The following INPP4B variants were observed in gnomAD, a reference collection of about 807,000 sequenced individuals.
INPP4B encodes inositol polyphosphate 4-phosphatase type II.
Under a neutral mutation model 122.5 loss-of-function variants are expected in INPP4B, and 55 were observed. The observed-to-expected ratio is 0.45, with a 90% confidence interval of 0.36 to 0.56. The LOEUF is 0.56. INPP4B is among the 20% of genes least tolerant of loss of function. The pLI is 0.00. For synonymous variants in INPP4B, 403 were observed against 388.7 expected (o/e 1.04, Z -0.43); for missense variants, 1,000 against 1,097.7 (o/e 0.91, Z 1.26).
chr4:142,444,922 C>G (rs923616409), intron 3 of INPP4B, among the ~76,000 whole-genome samples: 1 of 152,052 alleles, frequency 6.6e-6, no homozygotes, highest in Non-Finnish European at 1.5e-5. Context: ...CCACGAAAAA[C>G]CAAACACCAC....
chr4:142,225,114 C>A (rs766280875), intron 12 of INPP4B, among the ~76,000 whole-genome samples: 1 of 152,064 alleles, frequency 6.6e-6, no homozygotes, highest in Non-Finnish European at 1.5e-5. Flanking sequence ...ACCATCCAAT[C>A]GGCTGCCAAA....
At chr4:142,211,482 G>A (rs1329833426) in intron 12 of INPP4B, among the ~76,000 whole-genome samples, 3 of 152,108 alleles carry the variant, frequency 2.0e-5, no homozygotes, top group Non-Finnish European at 4.4e-5. Context: ...TAGGAGCACA[G>A]CCTGAGATCA....
intron 1 of INPP4B, among the ~76,000 whole-genome samples, chr4:142,823,316 T>C (rs1484884658): frequency 6.6e-6 from 1 of 152,214 alleles, no homozygotes; most frequent in Non-Finnish European, 1.5e-5. Context: ...TCACAGCATT[T>C]ATTCCTCTTC....
intron 7 of INPP4B, among the ~76,000 whole-genome samples, chr4:142,351,383 A>G (rs1781884910): frequency 6.6e-6 from 1 of 151,982 alleles, no homozygotes; most frequent in South Asian, 2.1e-4. Flanking sequence ...ATTAACAACA[A>G]TCTTATATCT....
intron 25 of INPP4B, among the ~76,000 whole-genome samples, chr4:142,070,659 G>C (rs1766678288): frequency 6.6e-6 from 1 of 152,170 alleles, no homozygotes; most frequent in South Asian, 2.1e-4. Context: ...CAAAATCAAT[G>C]TGCAAAAATC....
intron 2 of INPP4B, among the ~76,000 whole-genome samples, chr4:142,693,362 A>C (rs2150731353): frequency 6.6e-6 from 1 of 152,124 alleles, no homozygotes; most frequent in Non-Finnish European, 1.5e-5. Flanking sequence ...CTGCTTTCTT[A>C]GGCTGAGTTC....
At chr4:142,225,724 A>C (rs755022440) in intron 12 of INPP4B, among the ~76,000 whole-genome samples, 1 of 152,070 alleles carries the variant, frequency 6.6e-6, no homozygotes, top group African/African-American at 2.4e-5. Context: ...GCAGGAGAAA[A>C]AGAGAAAAAA....
chr4:142,625,929 T>C (rs1259723715), intron 2 of INPP4B, among the ~76,000 whole-genome samples: 1 of 152,130 alleles, frequency 6.6e-6, no homozygotes, highest in Non-Finnish European at 1.5e-5. Flanking sequence ...TGGCTAGCCA[T>C]ATGTAGAAAG....
chr4:142,354,903 G>A (rs2148437585), intron 7 of INPP4B, among the ~76,000 whole-genome samples: 1 of 152,054 alleles, frequency 6.6e-6, no homozygotes, highest in African/African-American at 2.4e-5. Context: ...ACTTCTCACA[G>A]TTCTGTGAGT....
chr4:142,148,206 C>T (rs896943871), intron 17 of INPP4B, among the ~76,000 whole-genome samples: 3 of 152,084 alleles, frequency 2.0e-5, no homozygotes, highest in African/African-American at 7.2e-5. Context: ...AACTCTCTTG[C>T]TGTTGCCCAT....
intron 2 of INPP4B, among the ~76,000 whole-genome samples, chr4:142,653,022 A>T: frequency 6.6e-6 from 1 of 152,214 alleles, no homozygotes; most frequent in Admixed American, 6.5e-5. Flanking sequence ...GTACCAAAAC[A>T]GATTTATAGA....
chr4:142,645,419 T>C (rs1751532923), intron 2 of INPP4B, among the ~76,000 whole-genome samples: 1 of 152,200 alleles, frequency 6.6e-6, no homozygotes, highest in South Asian at 2.1e-4. Context: ...TCTTTTAGTA[T>C]AAAACCCCTA....
At chr4:142,112,722 T>A (rs1320070591) in intron 21 of INPP4B, 40 bp from the exon 22 acceptor site, 1 of 1,574,886 alleles carries the variant, frequency 6.3e-7, no homozygotes, top group Non-Finnish European at 8.6e-7. Context: ...ACATTACTTA[T>A]TTGTTTTGTG....
At chr4:142,793,932 C>G (rs965033458) in intron 1 of INPP4B, among the ~76,000 whole-genome samples, 4 of 151,656 alleles carry the variant, frequency 2.6e-5, no homozygotes, top group Admixed American at 2.6e-4. Flanking sequence ...GATAGATGTA[C>G]CATATTCATA....
Position 142,146,410 on chromosome 4 carries a change from A to T in INPP4B, c.1564-414T>A, listed in dbSNP as rs1579071681. ...AAATTCTTGGAGTATTTTTGGTTAT[A>T]TATACATATATATATATTTCAGTAG... On this transcript the variant is annotated intron_variant, in intron 17 of 25. Coordinates refer to ENST00000262992, the MANE Select transcript of INPP4B (RefSeq NM_001101669.3). 1.3e-5 allele frequency among the ~76,000 whole-genome samples: 2 copies of T among 152,180 alleles called. 1 individual carries two copies. The highest frequency in any genetic ancestry group is 4.1e-4 in the South Asian group (2 of 4,828).
intron 11 of INPP4B, among the ~76,000 whole-genome samples, chr4:142,249,838 C>G (rs796803309): frequency 3.3e-5 from 5 of 152,294 alleles, no homozygotes; most frequent in African/African-American, 1.2e-4. Flanking sequence ...AGGCACCAAA[C>G]TCCATGACTA....
chr4:142,299,188 TG>T (rs1219998052), intron 9 of INPP4B, among the ~76,000 whole-genome samples: 1 of 148,804 alleles, frequency 6.7e-6, no homozygotes, highest in Non-Finnish European at 1.5e-5. Flanking sequence ...GACAGAGTCT[TG>T]CTCTTATCCC....
Position 142,026,376 on chromosome 4 carries a change from T to G in INPP4B, c.*2406A>C, listed in dbSNP as rs1035142484. The stretch of plus-strand genomic sequence containing the variant: ...AGTTTGCACCAGTACAGGCTTTCTA[T>G]AAGGAAATGCAGATGACTATGGTAA... On this transcript the variant is annotated 3_prime_UTR_variant, in exon 26 of 26. Transcript: ENST00000262992. 2 of 152,214 alleles carry G rather than the reference T, an allele frequency of 1.3e-5. No homozygotes were observed. Among genetic ancestry groups the G allele is most frequent in the African/African-American group, 4.8e-5 (2 of 41,454 alleles). 9.4% of individuals were successfully genotyped at this position (152,214 alleles called of 1,614,324 possible).
At chr4:142,654,367 TAAAAAAAA>T (rs10677341) in intron 2 of INPP4B, 2 of 101,000 alleles carry the variant, frequency 2.0e-5, no homozygotes, top group African/African-American at 7.7e-5. Context: ...ACTTAAAGTA[TAAAAAAAA>T]AAAAAAAAAA....
Sources: allele counts gnomAD v4.1 joint callset (sites outside exome capture counted in the v4.1 genomes callset), GRCh38; gene constraint gnomAD v4.1.1; transcripts MANE v1.5; gene names NCBI Gene and HGNC (gene_info 2026-07-23, HGNC 2026-07-21).